Variants in GABRA4 observed in about 807,000 individuals in gnomAD.
GABRA4 encodes the protein gamma-aminobutyric acid type A receptor subunit alpha4.
A neutral mutation model predicts 49.7 loss-of-function variants in GABRA4; 12 were observed. That is an observed-to-expected ratio of 0.24 (90% CI 0.15 to 0.39). The LOEUF is 0.39. Ranked by LOEUF, GABRA4 falls within the 10% of genes least tolerant of loss-of-function variation. The pLI, the probability that GABRA4 is intolerant of heterozygous loss-of-function variation, is 1.00. For synonymous variants in GABRA4, 288 were observed against 240.2 expected, an observed-to-expected ratio of 1.20 and a Z score of -1.84; for missense variants, 506 against 686.0, an observed-to-expected ratio of 0.74 and a Z score of 2.93.
chr4:46,935,214 A>G (rs1001053767), intron 8 of GABRA4, among the ~76,000 whole-genome samples: 1 of 152,168 alleles, frequency 6.6e-6, no homozygotes, highest in African/African-American at 2.4e-5. Context: ...GTGGGCTCCC[A>G]AATAAGACAG....
In GABRA4 at chr4:46,923,935, T is replaced by C. The variant is rs1477093631; in HGVS notation, c.*4290A>G. ...ATTTGTAGTAAGAGTTCCCCTTGACTTTCCACATCCTCATCTCTTCTCCTG... is the reference window on the plus strand; with the variant it reads ...ATTTGTAGTAAGAGTTCCCCTTGACCTTCCACATCCTCATCTCTTCTCCTG... On this transcript the variant is annotated 3_prime_UTR_variant, in exon 9 of 9. Transcript: ENST00000264318. The C allele has an allele frequency of 6.6e-6, 1 of 152,088 alleles. No individual in the cohort carries two copies. Among genetic ancestry groups the C allele is most frequent in the Non-Finnish European group, 1.5e-5 (1 of 68,000 alleles). 9.4% of individuals were successfully genotyped at this position (152,088 alleles called of 1,614,324 possible).
rs565089436 is a variant in GABRA4 at position 46,920,680 on chromosome 4, T to C, written c.*7545A>G. 1 of 151,736 alleles carries C rather than the reference T, an allele frequency of 6.6e-6. No homozygotes were observed. Among genetic ancestry groups the C allele is most frequent in the Non-Finnish European group, 1.5e-5 (1 of 67,694 alleles). 9.4% of individuals were successfully genotyped at this position (151,736 alleles called of 1,614,324 possible). A position where few individuals can be genotyped will look rare whatever the true frequency, so the allele number is the denominator to read the frequency against. On this transcript the variant is annotated 3_prime_UTR_variant, in exon 9 of 9. Transcript: ENST00000264318. Reference sequence around the variant, plus strand: ...TGATCACACACACTCACACCAAAATTCCAATGTATTACAGGGAGGTATTTC... The same window carrying C: ...TGATCACACACACTCACACCAAAATCCCAATGTATTACAGGGAGGTATTTC...
chr4:46,991,363 C>T (rs978010111), intron 2 of GABRA4, among the ~76,000 whole-genome samples: 1 of 152,114 alleles, frequency 6.6e-6, no homozygotes, highest in Admixed American at 6.5e-5. Flanking sequence ...CTCAGTGTCC[C>T]CATCTGTTAA....
At chr4:46,981,604 T>C (rs1269369888) in intron 2 of GABRA4, among the ~76,000 whole-genome samples, 1 of 152,132 alleles carries the variant, frequency 6.6e-6, no homozygotes, top group Non-Finnish European at 1.5e-5. Flanking sequence ...GGTTCCCTGC[T>C]AGGCTCTGAT....
chr4:46,988,090 C>T (rs1222414235), intron 2 of GABRA4, among the ~76,000 whole-genome samples: 1 of 152,138 alleles, frequency 6.6e-6, no homozygotes, highest in Non-Finnish European at 1.5e-5. Flanking sequence ...TTGCTTTGTT[C>T]TCTCTGAGAA....
Position 46,993,324 on chromosome 4 carries a change from C to T in GABRA4, c.86+15G>A. The T allele has an allele frequency of 6.2e-7, 1 of 1,612,306 alleles. No individual in the cohort carries two copies. Among genetic ancestry groups the T allele is most frequent in the Non-Finnish European group, 8.5e-7 (1 of 1,178,306 alleles). ...ACTTTCCGTTGCCCACCTCCTCGCA[C>T]CCCAGAGAACTCACCAAACCGCCAG... On this transcript the variant is annotated intron_variant, in intron 1 of 8. Transcript: ENST00000264318.
intron 8 of GABRA4, among the ~76,000 whole-genome samples, chr4:46,959,329 T>C (rs893320273): frequency 2.6e-5 from 4 of 151,964 alleles, no homozygotes; most frequent in African/African-American, 7.2e-5. Context: ...AGTAAGCCAC[T>C]GTGGAGATCT....
intron 7 of GABRA4, among the ~76,000 whole-genome samples, chr4:46,967,120 G>T (rs1370740773): frequency 6.6e-6 from 1 of 151,514 alleles, no homozygotes. Context: ...TAAATTTAAT[G>T]GGGTATTAAG....
chr4:46,977,451 A>C lies in GABRA4; in HGVS notation c.453T>G (p.Leu151=). Residue 151 remains leucine (L), a synonymous_variant, in exon 4 of 9, where the codon CTT becomes CTG. Transcript: ENST00000264318. ...TAGTACCATTTCTCATAATTCTAAA[A>C]AGCTTATTTGGAGCTGTCATATTAT... ...VSHNMTAPNK[L]FRIMRNGTIL... The C allele has an allele frequency of 1.2e-6, 2 of 1,607,350 alleles. No homozygotes were observed. The highest frequency in any genetic ancestry group is 1.7e-6 in the Non-Finnish European group (2 of 1,175,136).
chr4:46,935,222 C>G (rs1721566817), intron 8 of GABRA4, among the ~76,000 whole-genome samples: 1 of 152,138 alleles, frequency 6.6e-6, no homozygotes, highest in Non-Finnish European at 1.5e-5. Context: ...CCAAATAAGA[C>G]AGACCTGGTT....
chr4:46,948,661 C>A (rs1577759339), intron 8 of GABRA4, among the ~76,000 whole-genome samples: 1 of 152,150 alleles, frequency 6.6e-6, no homozygotes, highest in East Asian at 1.9e-4. Context: ...AGGGTTCTAC[C>A]CCAAATGTAA....
chr4:46,925,449 T>C lies in GABRA4; in HGVS notation c.*2776A>G, dbSNP rs891830565. ...TGGACTGCAGATACTAGGTCCTGAATAAAATTATTCTGAATTTCATCTTTA... is the reference window on the plus strand; with the variant it reads ...TGGACTGCAGATACTAGGTCCTGAACAAAATTATTCTGAATTTCATCTTTA... On this transcript the variant is annotated 3_prime_UTR_variant, in exon 9 of 9. Coordinates refer to ENST00000264318, the MANE Select transcript of GABRA4 (RefSeq NM_000809.4). 1 of 151,874 alleles carries C rather than the reference T, an allele frequency of 6.6e-6. No individual in the cohort carries two copies. The highest frequency in any genetic ancestry group is 2.1e-4 in the South Asian group (1 of 4,836). The allele number at this position is 151,874 out of a possible 1,614,324, so 9.4% of individuals were successfully genotyped here.
At chr4:46,954,880 C>T (rs1338323818) in intron 8 of GABRA4, among the ~76,000 whole-genome samples, 2 of 152,214 alleles carry the variant, frequency 1.3e-5, no homozygotes, top group South Asian at 4.2e-4. Context: ...CCATTTACTA[C>T]ACATATGATC....
chr4:46,950,586 GCTTTT>G, intron 8 of GABRA4, among the ~76,000 whole-genome samples: 1 of 151,702 alleles, frequency 6.6e-6, no homozygotes, highest in Non-Finnish European at 1.5e-5. Context: ...ATAAAATTTA[GCTTTT>G]CTCAAAACAA....
At chr4:46,939,242 C>T (rs999092677) in intron 8 of GABRA4, among the ~76,000 whole-genome samples, 3 of 151,982 alleles carry the variant, frequency 2.0e-5, no homozygotes. Flanking sequence ...TCTCTTCTTA[C>T]TTTTTCTTTT....
In GABRA4 at chr4:46,992,865, G is replaced by C. The variant is rs764557725; in HGVS notation, c.168C>G (p.Leu56=). Reference sequence around the variant, plus strand: ...GACGCAGCCTGTTGTCATAACCATCGAGCAAACTGTCCAGGATGCGGGTGA... The same window carrying C: ...GACGCAGCCTGTTGTCATAACCATCCAGCAAACTGTCCAGGATGCGGGTGA... ...ENFTRILDSL[L]DGYDNRLRPG... Residue 56 remains leucine, a synonymous_variant, in exon 2 of 9, where the codon CTC becomes CTG. Transcript: ENST00000264318. 1 of 1,613,672 alleles carries C rather than the reference G, an allele frequency of 6.2e-7. No homozygotes were observed. The highest frequency in any genetic ancestry group is 1.7e-5 in the Admixed American group (1 of 59,978).
At chr4:46,948,131 C>T (rs1560468078) in intron 8 of GABRA4, among the ~76,000 whole-genome samples, 1 of 152,046 alleles carries the variant, frequency 6.6e-6, no homozygotes. Flanking sequence ...AGGCTTTTGG[C>T]TAATGTCTCT....
chr4:46,982,344 C>G (rs555032285), intron 2 of GABRA4, among the ~76,000 whole-genome samples: 1 of 152,066 alleles, frequency 6.6e-6, no homozygotes, highest in East Asian at 1.9e-4. Flanking sequence ...AATCTAATAT[C>G]ACTGTGACCA....
chr4:46,969,799 G>GT (rs1373209505), intron 7 of GABRA4, among the ~76,000 whole-genome samples: 5 of 151,214 alleles, frequency 3.3e-5, no homozygotes, highest in East Asian at 1.9e-4. Flanking sequence ...GCTTAGATTT[G>GT]TTTTTTTCTC....
Sources: allele counts gnomAD v4.1 joint callset (sites outside exome capture counted in the v4.1 genomes callset), GRCh38; gene constraint gnomAD v4.1.1; transcripts MANE v1.5; gene names NCBI Gene and HGNC (gene_info 2026-07-23, HGNC 2026-07-21).